C3orf49: variants seen among roughly 807,000 people sequenced by gnomAD.
The protein encoded by C3orf49 is putative uncharacterized protein C3orf49.
In C3orf49, 27 loss-of-function variants were observed where a neutral mutation model predicts 13.3. The observed-to-expected ratio is 2.02, with a 90% CI of 1.49 to 2.79. The LOEUF is 2.79. C3orf49 is among the 30% of genes most tolerant of loss of function. The pLI, the probability that C3orf49 is intolerant of heterozygous loss-of-function variation, is 0.00. For synonymous variants in C3orf49, 87 were observed against 47.6 expected (o/e 1.83, Z -3.40); for missense variants, 242 against 134.2 (o/e 1.80, Z -3.97).
At chr3:63,839,017 C>G (rs898964416) in intron 5 of C3orf49, among the ~76,000 whole-genome samples, 1 of 152,044 alleles carries the variant, frequency 6.6e-6, no homozygotes, top group African/African-American at 2.4e-5. Context: ...ATGGTGAAAC[C>G]CCATCTCTAC....
the C3orf49 span, among the ~76,000 whole-genome samples, chr3:63,799,720 A>C: frequency 0.082 from 12,526 of 152,156 alleles, 874 homozygotes; most frequent in African/African-American, 0.19. Context: ...TGAGACAAGA[A>C]AAAGCAGGTG....
In C3orf49 at chr3:63,831,230, G is replaced by A. The variant is rs573714102; in HGVS notation, c.684+7G>A. On this transcript the variant is annotated splice_region_variant and intron_variant, in intron 4 of 6. Coordinates refer to ENST00000295896, the MANE Select transcript of C3orf49 (RefSeq NM_001355236.2). ...AGGAAAGCTTCAAATGCAGGTAGTG[G>A]ACAAAGGCTTTTAACTTTTGAGTCT... The A allele has an allele frequency of 6.7e-5, 47 of 700,420 alleles. No individual in the cohort carries two copies. In the South Asian group the frequency reaches 7.0e-4, roughly 10 times the overall value. The allele number at this position is 700,420 out of a possible 1,614,324, so 43.4% of individuals were successfully genotyped here.
At chr3:63,806,135 C>A in the C3orf49 span, among the ~76,000 whole-genome samples, 1 of 152,146 alleles carries the variant, frequency 6.6e-6, no homozygotes, top group African/African-American at 2.4e-5. Context: ...CAAGCAATGG[C>A]CAAGAGGGAT....
the C3orf49 span, among the ~76,000 whole-genome samples, chr3:63,780,643 T>G: frequency 1.3e-5 from 2 of 152,194 alleles, no homozygotes; most frequent in African/African-American, 4.8e-5. Flanking sequence ...CCACATCCTC[T>G]CCAGCACCTG....
chr3:63,842,615 A>C (rs968123984), intron 5 of C3orf49, among the ~76,000 whole-genome samples: 1 of 152,158 alleles, frequency 6.6e-6, no homozygotes, highest in Non-Finnish European at 1.5e-5. Context: ...ATCAAATACC[A>C]TATGTTCTCA....
intron 6 of C3orf49, chr3:63,846,282 C>A (rs751875506): frequency 3.0e-5 from 13 of 429,068 alleles, no homozygotes; most frequent in Admixed American, 7.7e-5. Context: ...AGATAATCCC[C>A]AAGCGACTTG....
In C3orf49 at chr3:63,831,180, T is replaced by C. The variant is rs1231887731; in HGVS notation, c.641T>C (p.Ile214Thr). Residue 214 changes from isoleucine to threonine, a missense_variant, in exon 4 of 7, where the codon ATC becomes ACC. Transcript: ENST00000295896. ...AAAAAGAAGCGTGGCATGGAAAACATCCTTCGAAAATCAGATTTGACAGTA... is the reference window on the plus strand; with the variant it reads ...AAAAAGAAGCGTGGCATGGAAAACACCCTTCGAAAATCAGATTTGACAGTA... ...LKKKKRGMEN[I>T]LRKSDLTVGK... is the part of the protein sequence containing the mutation. 11 of 702,792 alleles carry C rather than the reference T, an allele frequency of 1.6e-5. No homozygotes were observed. In the Admixed American group the frequency reaches 2.2e-4, roughly 14 times the overall value. The allele number at this position is 702,792 out of a possible 1,614,324, so 43.5% of individuals were successfully genotyped here.
At chr3:63,806,759 C>T in the C3orf49 span, among the ~76,000 whole-genome samples, 491 of 152,310 alleles carry the variant, frequency 3.2e-3, 3 homozygotes, top group African/African-American at 0.011. Flanking sequence ...CCTTAGACAT[C>T]ACTTTCTTCA....
intron 6 of C3orf49, among the ~76,000 whole-genome samples, chr3:63,845,284 G>C (rs550294192): frequency 6.6e-6 from 1 of 152,280 alleles, no homozygotes; most frequent in African/African-American, 2.4e-5. Context: ...TTGTACTGTG[G>C]CAGGGCACAT....
the C3orf49 span, chr3:63,782,494 T>G: frequency 6.6e-6 from 1 of 152,228 alleles, no homozygotes; most frequent in Non-Finnish European, 1.5e-5. Context: ...GATTTCCAGC[T>G]GTAAACAGTC....
chr3:63,846,895 TAC>T (rs2107143906), intron 6 of C3orf49, among the ~76,000 whole-genome samples: 1 of 152,202 alleles, frequency 6.6e-6, no homozygotes, highest in Admixed American at 6.5e-5. Flanking sequence ...GACTGCAAAT[TAC>T]AGTTTGAAAA....
At chr3:63,846,510 C>G (rs1701900669) in intron 6 of C3orf49, among the ~76,000 whole-genome samples, 2 of 152,094 alleles carry the variant, frequency 1.3e-5, no homozygotes, top group Non-Finnish European at 2.9e-5. Context: ...TGGGTTCAAG[C>G]TATTCTCCTG....
intron 5 of C3orf49, 39 bp from the exon 6 acceptor site, chr3:63,844,984 T>C (rs1701855464): frequency 1.5e-6 from 1 of 677,578 alleles, no homozygotes; most frequent in Non-Finnish European, 2.7e-6. Flanking sequence ...TAAAGACAAT[T>C]GAGATCTTTA....
chr3:63,785,112 A>G, the C3orf49 span, among the ~76,000 whole-genome samples: 33,728 of 125,306 alleles, frequency 0.27, 4,270 homozygotes, highest in African/African-American at 0.37. Context: ...TTGCTCTGTC[A>G]CCCAGGCTGG....
chr3:63,815,372 G>C (rs1460778680), upstream of C3orf49, among the ~76,000 whole-genome samples: 1 of 152,070 alleles, frequency 6.6e-6, no homozygotes, highest in African/African-American at 2.4e-5. Context: ...CCCATCTGTT[G>C]CCGGCCTGGA....
chr3:63,803,823 T>C, the C3orf49 span, among the ~76,000 whole-genome samples: 6 of 152,134 alleles, frequency 3.9e-5, no homozygotes, highest in Non-Finnish European at 8.8e-5. Context: ...TCATTATATT[T>C]ACTGTGCACT....
At chr3:63,795,260 CAT>C in the C3orf49 span, among the ~76,000 whole-genome samples, 2 of 152,122 alleles carry the variant, frequency 1.3e-5, no homozygotes, top group African/African-American at 4.8e-5. Context: ...ATTTTATTTA[CAT>C]GAGGTGAGCA....
the C3orf49 span, among the ~76,000 whole-genome samples, chr3:63,785,253 T>C: frequency 6.6e-6 from 1 of 151,722 alleles, no homozygotes; most frequent in Non-Finnish European, 1.5e-5. Flanking sequence ...TTTGTATTTT[T>C]AGTAGAGACA....
At chr3:63,835,211 G>T (rs1390548298) in intron 5 of C3orf49, 2 of 1,613,410 alleles carry the variant, frequency 1.2e-6, no homozygotes, top group Non-Finnish European at 1.7e-6. Context: ...AACTGTTTCC[G>T]TCTCAATTCC....
Sources: allele counts gnomAD v4.1 joint callset (sites outside exome capture counted in the v4.1 genomes callset), GRCh38; gene constraint gnomAD v4.1.1; transcripts MANE v1.5; gene names NCBI Gene and HGNC (gene_info 2026-07-23, HGNC 2026-07-21).